Variants in IRAG2 observed in about 807,000 individuals in gnomAD.
The protein encoded by IRAG2 is lymphoid restricted membrane protein.
Under a neutral mutation model 69.9 loss-of-function variants are expected in IRAG2, and 45 were observed. That is an observed-to-expected ratio of 0.64 (90% confidence interval 0.51 to 0.83). The LOEUF (loss-of-function observed/expected upper bound fraction) is 0.83. IRAG2 is among the 40% of genes least tolerant of loss of function. The pLI is 0.00. For synonymous variants in IRAG2, 193 were observed against 202.4 expected (o/e 0.95, Z 0.40); for missense variants, 520 against 587.0 (o/e 0.89, Z 1.18).
intron 2 of IRAG2, among the ~76,000 whole-genome samples, chr12:25,062,589 C>T (rs73282874): frequency 6.6e-6 from 1 of 152,194 alleles, no homozygotes; most frequent in East Asian, 1.9e-4. Flanking sequence ...CAAAGCCATT[C>T]AGTTTCTTGT....
chr12:25,027,400 T>C (rs35496156), intron 9 of IRAG2, among the ~76,000 whole-genome samples: 3,349 of 86,266 alleles, frequency 0.039, 49 homozygotes, highest in East Asian at 0.16. Flanking sequence ...TTTTTTTTCT[T>C]TTTTTTTTTT....
chr12:25,055,801 T>G (rs935819438), intron 1 of IRAG2, among the ~76,000 whole-genome samples: 1 of 152,096 alleles, frequency 6.6e-6, no homozygotes, highest in African/African-American at 2.4e-5. Flanking sequence ...AAAAAGGAAA[T>G]TTTTAAAAGC....
At chr12:25,066,604 G>C (rs748059149) in intron 5 of IRAG2, 92 bp downstream of exon 5, 14 of 395,956 alleles carry the variant, frequency 3.5e-5, no homozygotes, top group Non-Finnish European at 5.8e-5. Flanking sequence ...TTCATAACGT[G>C]AGATCACATC....
intron 16 of IRAG2, among the ~76,000 whole-genome samples, chr12:25,044,107 TA>T (rs1454547427): frequency 9.2e-5 from 14 of 152,140 alleles, no homozygotes; most frequent in African/African-American, 2.9e-4. Context: ...GATACATAAC[TA>T]AAAATATGTA....
chr12:25,069,556 T>A (rs1051335460), intron 6 of IRAG2, 125 bp downstream of exon 6: 6 of 812,584 alleles, frequency 7.4e-6, no homozygotes, highest in Non-Finnish European at 1.2e-5. Context: ...GTAGCAAGTC[T>A]GAGTCTGCTA....
chr12:25,017,895 T>A (rs887760362), intron 6 of IRAG2, among the ~76,000 whole-genome samples: 1 of 152,242 alleles, frequency 6.6e-6, no homozygotes, highest in African/African-American at 2.4e-5. Flanking sequence ...TTTCTGTCTC[T>A]GTAGATTAGC....
intron 13 of IRAG2, among the ~76,000 whole-genome samples, chr12:25,034,256 A>T (rs1463650864): frequency 2.0e-5 from 3 of 152,218 alleles, no homozygotes; most frequent in Non-Finnish European, 4.4e-5. Flanking sequence ...TGGGATCCCA[A>T]AGGTAGCAGT....
chr12:25,053,926 T>G (rs796762335), intron 1 of IRAG2, among the ~76,000 whole-genome samples: 1 of 152,020 alleles, frequency 6.6e-6, no homozygotes, highest in Non-Finnish European at 1.5e-5. Context: ...TAAGAAATAG[T>G]CTAGTTTTAA....
At chr12:25,056,363 G>A (rs998518523) in intron 1 of IRAG2, among the ~76,000 whole-genome samples, 2 of 152,180 alleles carry the variant, frequency 1.3e-5, no homozygotes, top group Admixed American at 1.3e-4. Context: ...ACTCTGATAG[G>A]ATAGGGACCC....
At chr12:25,086,785 G>A (rs1394462032) in intron 10 of IRAG2, among the ~76,000 whole-genome samples, 1 of 152,180 alleles carries the variant, frequency 6.6e-6, no homozygotes, top group Non-Finnish European at 1.5e-5. Context: ...TTATCCACTG[G>A]ATTTGGCAAT....
intron 15 of IRAG2, among the ~76,000 whole-genome samples, chr12:25,100,073 G>A (rs1381788950): frequency 1.4e-5 from 2 of 138,748 alleles, no homozygotes; most frequent in Admixed American, 7.5e-5. Flanking sequence ...ATACACAAAT[G>A]GTCAATAAGC....
intron 20 of IRAG2, among the ~76,000 whole-genome samples, chr12:25,104,896 G>T (rs1274551402): frequency 6.6e-6 from 1 of 151,990 alleles, no homozygotes; most frequent in Non-Finnish European, 1.5e-5. Flanking sequence ...TTCCATTTAT[G>T]TAAGTGAAGA....
chr12:25,050,421 C>CG (rs1405185559), upstream of IRAG2, among the ~76,000 whole-genome samples: 1 of 151,476 alleles, frequency 6.6e-6, no homozygotes, highest in Non-Finnish European at 1.5e-5. Flanking sequence ...CCCAGCTACC[C>CG]GGGAGGCTGA....
At chr12:25,037,846 A>G in intron 15 of IRAG2, 1 of 396,476 alleles carries the variant, frequency 2.5e-6, no homozygotes, top group Non-Finnish European at 4.4e-6. Context: ...ATTGGTACTC[A>G]TTGACATACA....
At chr12:25,099,383 C>G (rs901470860) in intron 15 of IRAG2, among the ~76,000 whole-genome samples, 5 of 152,174 alleles carry the variant, frequency 3.3e-5, no homozygotes, top group Non-Finnish European at 7.3e-5. Context: ...ATTCTCAACA[C>G]CTTTCTCTCT....
chr12:25,023,649 T>C (rs1944600691), intron 7 of IRAG2, among the ~76,000 whole-genome samples: 1 of 152,214 alleles, frequency 6.6e-6, no homozygotes, highest in African/African-American at 2.4e-5. Context: ...CTAACAACCA[T>C]AGTTACATTG....
intron 9 of IRAG2, among the ~76,000 whole-genome samples, chr12:25,028,117 ATTT>A (rs1944638847): frequency 6.6e-6 from 1 of 151,946 alleles, no homozygotes; most frequent in Admixed American, 6.6e-5. Flanking sequence ...TAAAGATGGG[ATTT>A]CACCATGTTG....
chr12:25,061,687 G>A (rs541566270), intron 2 of IRAG2, 34 bp downstream of exon 2: 7 of 398,440 alleles, frequency 1.8e-5, no homozygotes, highest in Admixed American at 8.8e-5. Context: ...CAGTTACTGT[G>A]GAGGAAGTTG....
At chr12:25,034,772 G>A (rs1171707047) in intron 13 of IRAG2, among the ~76,000 whole-genome samples, 2 of 152,178 alleles carry the variant, frequency 1.3e-5, no homozygotes, top group African/African-American at 4.8e-5. Flanking sequence ...AATGCCTTTG[G>A]GCAAACGCTA....
Sources: allele counts gnomAD v4.1 joint callset (sites outside exome capture counted in the v4.1 genomes callset), GRCh38; gene constraint gnomAD v4.1.1; transcripts MANE v1.5; gene names NCBI Gene and HGNC (gene_info 2026-07-23, HGNC 2026-07-21).